Variants in KDM4C observed in about 807,000 individuals in gnomAD.
The protein encoded by KDM4C is lysine demethylase 4C.
KDM4C carries 81 observed loss-of-function variants against 129.3 expected under a neutral mutation model. The ratio of observed to expected loss-of-function variants is 0.63; its 90% CI spans 0.52 to 0.75. The LOEUF is 0.75. Among genes scored for constraint, KDM4C ranks in the 30% least tolerant of loss-of-function variants. KDM4C has a pLI of 0.00. For synonymous variants in KDM4C, 573 were observed against 456.1 expected, an observed-to-expected ratio of 1.26 and a Z score of -3.26; for missense variants, 1,457 against 1,304.0, an observed-to-expected ratio of 1.12 and a Z score of -1.81.
chr9:6,897,365 T>C (rs1816633638), intron 8 of KDM4C, among the ~76,000 whole-genome samples: 1 of 152,306 alleles, frequency 6.6e-6, no homozygotes, highest in South Asian at 2.1e-4. Context: ...CTCCTCTCAT[T>C]TCTGTCTTTG....
At chr9:6,988,781 A>G (rs184381092) in intron 11 of KDM4C, among the ~76,000 whole-genome samples, 4 of 150,704 alleles carry the variant, frequency 2.7e-5, no homozygotes, top group African/African-American at 9.8e-5. Flanking sequence ...TTGCTCCCCC[A>G]GATGCTCCTC....
At chr9:6,865,227 C>G (rs145609157) in intron 5 of KDM4C, among the ~76,000 whole-genome samples, 119 of 152,240 alleles carry the variant, frequency 7.8e-4, no homozygotes, top group African/African-American at 2.7e-3. Context: ...CCAGGATGGT[C>G]TCGATCTCCT....
chr9:6,901,244 C>G (rs1817356674), intron 8 of KDM4C, among the ~76,000 whole-genome samples: 1 of 152,168 alleles, frequency 6.6e-6, no homozygotes, highest in Admixed American at 6.5e-5. Context: ...GGGCACCCCC[C>G]AGAGTTTGCC....
chr9:6,818,778 A>G (rs1036717680), intron 4 of KDM4C, among the ~76,000 whole-genome samples: 3 of 152,146 alleles, frequency 2.0e-5, no homozygotes, highest in African/African-American at 7.2e-5. Flanking sequence ...TGCTTTTCCA[A>G]AGTTGGGAGG....
At chr9:6,974,834 G>A (rs749645283) in intron 8 of KDM4C, 38 of 152,088 alleles carry the variant, frequency 2.5e-4, no homozygotes, top group East Asian at 3.8e-4. Flanking sequence ...ATCTACCCCC[G>A]AATACTAAAG....
intron 5 of KDM4C, among the ~76,000 whole-genome samples, chr9:6,867,126 C>G (rs1305280539): frequency 6.6e-6 from 1 of 151,440 alleles, no homozygotes; most frequent in Non-Finnish European, 1.5e-5. Context: ...AGCAATTCCC[C>G]TGCCTCAACC....
chr9:7,123,310 C>A (rs1354324480), intron 18 of KDM4C, among the ~76,000 whole-genome samples: 2 of 152,174 alleles, frequency 1.3e-5, no homozygotes, highest in African/African-American at 2.4e-5. Context: ...CTTTCCAGAC[C>A]CTGTGAGTTT....
chr9:6,790,147 G>T (rs13292390), intron 1 of KDM4C, among the ~76,000 whole-genome samples: 1 of 150,126 alleles, frequency 6.7e-6, no homozygotes, highest in East Asian at 2.1e-4. Flanking sequence ...GGTGTGATCC[G>T]CTCGCCTTGG....
At chr9:6,987,031 C>G (rs1473763639) in intron 11 of KDM4C, among the ~76,000 whole-genome samples, 1 of 152,154 alleles carries the variant, frequency 6.6e-6, no homozygotes, top group Non-Finnish European at 1.5e-5. Context: ...TCTTAGAAAA[C>G]TATAGTACAA....
At position 7,002,486 on chromosome 9, in the gene KDM4C, A is replaced by G. The variant is rs188430868; in HGVS notation, c.1787-9212A>G. On this transcript the variant is annotated intron_variant, in intron 12 of 21. Transcript: ENST00000381309. Reference sequence around the variant, plus strand: ...TACTGTGTTAGCAATTTTAAAATGTATTAATACTATTATTTCTCTTCAGAT... The same window carrying G: ...TACTGTGTTAGCAATTTTAAAATGTGTTAATACTATTATTTCTCTTCAGAT... 5.8e-4 allele frequency among the ~76,000 whole-genome samples: 88 copies of G among 152,300 alleles called. 1 individual carries two copies. The East Asian group carries it at 0.013, about 22-fold the overall frequency.
chr9:7,174,818 C>T lies in KDM4C; in HGVS notation c.*89C>T. 1.7e-6 allele frequency: 2 copies of T among 1,160,712 alleles called. No homozygotes were observed. The highest frequency in any genetic ancestry group is 1.4e-5 in the South Asian group (1 of 69,008). The allele number at this position is 1,160,712 out of a possible 1,614,324, so 71.9% of individuals were successfully genotyped here. A position where few individuals can be genotyped will look rare whatever the true frequency, so the allele number is the denominator to read the frequency against. ...CCTTGGGGCTGTGCCGTGAGTTTTG[C>T]TGGCATAGGTGACAGGGTGTGTCTC... On this transcript the variant is annotated 3_prime_UTR_variant, in exon 22 of 22. Coordinates refer to ENST00000381309, the MANE Select transcript of KDM4C (RefSeq NM_015061.6).
chr9:6,739,537 C>T (rs1312201298), intron 1 of KDM4C, among the ~76,000 whole-genome samples: 2 of 152,214 alleles, frequency 1.3e-5, no homozygotes, highest in Non-Finnish European at 1.5e-5. Context: ...TAACATTATC[C>T]AGTAAAGTAG....
At chr9:6,864,052 A>G (rs1841481643) in intron 5 of KDM4C, among the ~76,000 whole-genome samples, 1 of 152,334 alleles carries the variant, frequency 6.6e-6, no homozygotes, top group South Asian at 2.1e-4. Flanking sequence ...GTAATAGAGT[A>G]TTCTGAATTT....
At chr9:7,054,996 G>C (rs749462288) in intron 17 of KDM4C, among the ~76,000 whole-genome samples, 7 of 152,088 alleles carry the variant, frequency 4.6e-5, no homozygotes, top group Non-Finnish European at 8.8e-5. Flanking sequence ...GGCCAACATG[G>C]TGAAACCCCA....
chr9:7,000,529 T>C (rs1163374433), intron 12 of KDM4C, among the ~76,000 whole-genome samples: 1 of 152,216 alleles, frequency 6.6e-6, no homozygotes, highest in Non-Finnish European at 1.5e-5. Context: ...AACCATAACC[T>C]TGTTACTCTT....
At chr9:6,885,741 T>C (rs1845163537) in intron 6 of KDM4C, among the ~76,000 whole-genome samples, 1 of 152,170 alleles carries the variant, frequency 6.6e-6, no homozygotes, top group African/African-American at 2.4e-5. Flanking sequence ...TAAAATTCAT[T>C]TTAAGGCACA....
intron 4 of KDM4C, chr9:6,835,640 A>C (rs1427079529): frequency 1.3e-6 from 1 of 785,712 alleles, no homozygotes; most frequent in Non-Finnish European, 2.3e-6. Context: ...GCAGAAAACA[A>C]GATGAGATTG....
At chr9:7,121,953 C>T (rs1168738186) in intron 18 of KDM4C, among the ~76,000 whole-genome samples, 1 of 151,946 alleles carries the variant, frequency 6.6e-6, no homozygotes, top group Non-Finnish European at 1.5e-5. Context: ...TTTTCCCATG[C>T]TTATTTTCTG....
chr9:6,987,661 G>C (rs1361128472), intron 11 of KDM4C, among the ~76,000 whole-genome samples: 1 of 152,036 alleles, frequency 6.6e-6, no homozygotes, highest in Non-Finnish European at 1.5e-5. Flanking sequence ...TGAATACCTT[G>C]CGTCTTATCA....
Sources: gnomAD v4.1 joint callset for allele counts (sites outside exome capture counted in the v4.1 genomes callset) on GRCh38, gnomAD v4.1.1 for gene constraint, MANE v1.5 for transcripts, NCBI Gene and HGNC (gene_info 2026-07-23, HGNC 2026-07-21) for gene names.